PARD3B: variants seen among roughly 807,000 people sequenced by gnomAD.
PARD3B encodes par-3 family cell polarity regulator beta.
A neutral mutation model predicts 130.2 loss-of-function variants in PARD3B; 103 were observed. The ratio of observed to expected loss-of-function variants is 0.79; its 90% CI spans 0.67 to 0.93. The LOEUF (loss-of-function observed/expected upper bound fraction) is 0.93, where lower values mean the gene tolerates loss of function less well. PARD3B is among the 40% of genes least tolerant of loss of function. The pLI, the probability that PARD3B is intolerant of heterozygous loss-of-function variation, is 0.00. For synonymous variants in PARD3B, 583 were observed against 553.2 expected, an observed-to-expected ratio of 1.05 and a Z score of -0.76; for missense variants, 1,609 against 1,499.2, an observed-to-expected ratio of 1.07 and a Z score of -1.21.
intron 18 of PARD3B, among the ~76,000 whole-genome samples, chr2:205,371,591 A>T (rs967638372): frequency 6.6e-6 from 1 of 152,192 alleles, no homozygotes; most frequent in Non-Finnish European, 1.5e-5. Context: ...AAAATAACCT[A>T]TAGTTAGAGC....
At chr2:204,957,799 T>C (rs572146003) in intron 2 of PARD3B, among the ~76,000 whole-genome samples, 2 of 152,306 alleles carry the variant, frequency 1.3e-5, no homozygotes, top group African/African-American at 4.8e-5. Context: ...GGTGATAATG[T>C]GATTTTCTCT....
chr2:204,569,774 G>T (rs1236877894), intron 1 of PARD3B, among the ~76,000 whole-genome samples: 1 of 152,194 alleles, frequency 6.6e-6, no homozygotes, highest in South Asian at 2.1e-4. Context: ...TGGAGAAGGT[G>T]ATGAGAGCAC....
At chr2:204,607,457 G>A (rs1481607687) in intron 1 of PARD3B, among the ~76,000 whole-genome samples, 3 of 152,136 alleles carry the variant, frequency 2.0e-5, no homozygotes, top group Admixed American at 2.0e-4. Flanking sequence ...ATAATTCACT[G>A]AATATGTTAG....
intron 2 of PARD3B, among the ~76,000 whole-genome samples, chr2:204,765,123 G>A (rs1437408020): frequency 6.6e-6 from 1 of 152,156 alleles, no homozygotes; most frequent in Non-Finnish European, 1.5e-5. Flanking sequence ...GCAATATTTA[G>A]CTGGCTTGAC....
chr2:204,660,456 C>T (rs532174148), intron 1 of PARD3B, among the ~76,000 whole-genome samples: 6 of 152,116 alleles, frequency 3.9e-5, no homozygotes, highest in South Asian at 2.1e-4. Context: ...TGCTAAGTTG[C>T]GGGGTGTGGT....
chr2:204,815,652 T>C (rs1160441943), intron 2 of PARD3B, among the ~76,000 whole-genome samples: 1 of 152,022 alleles, frequency 6.6e-6, no homozygotes, highest in African/African-American at 2.4e-5. Context: ...GCATTTATTC[T>C]GTGCTATTAG....
intron 20 of PARD3B, among the ~76,000 whole-genome samples, chr2:205,442,939 CA>C (rs1198474947): frequency 6.6e-6 from 1 of 152,162 alleles, no homozygotes; most frequent in African/African-American, 2.4e-5. Flanking sequence ...AAGCTGCTTT[CA>C]ATAGAGTTTT....
rs2036065908 is a variant in PARD3B, at chr2:205,185,813, TC to T, written c.1976del (p.Pro659GlnfsTer36). The T allele has an allele frequency of 6.2e-7, 1 of 1,614,020 alleles. No individual in the cohort carries two copies. ...GGGCCGAGAGTGAAGTTCCACCTTC[TC>T]CAACACCACATTCTGCTCTGGGATT... is the stretch of plus-strand genomic sequence containing the variant. The part of the protein sequence containing the change: ...GWAESEVPPS[P>X]TPHSALGLGL... On this transcript the variant is annotated frameshift_variant, in exon 14 of 23. Coordinates refer to ENST00000406610, the MANE Select transcript of PARD3B (RefSeq NM_001302769.2). LOFTEE classifies it high-confidence loss of function.
chr2:205,133,384 C>T (rs2032189816), intron 10 of PARD3B, among the ~76,000 whole-genome samples: 2 of 152,158 alleles, frequency 1.3e-5, no homozygotes, highest in Admixed American at 1.3e-4. Context: ...GTAGTCTTGG[C>T]ATCACTTGGG....
intron 2 of PARD3B, among the ~76,000 whole-genome samples, chr2:204,951,528 G>C (rs1689770104): frequency 6.6e-6 from 1 of 152,026 alleles, no homozygotes. Flanking sequence ...ATTGTTCTGG[G>C]TGCATATTTT....
chr2:205,201,259 A>G (rs1331799636), intron 15 of PARD3B, among the ~76,000 whole-genome samples: 11 of 152,160 alleles, frequency 7.2e-5, no homozygotes, highest in Admixed American at 2.0e-4. Context: ...ATTAATCAGT[A>G]CCCCAGATAC....
At chr2:205,233,633 A>G (rs1169542873) in intron 15 of PARD3B, among the ~76,000 whole-genome samples, 1 of 152,164 alleles carries the variant, frequency 6.6e-6, no homozygotes, top group Non-Finnish European at 1.5e-5. Context: ...TGATGGGGTT[A>G]CGTTCCAATA....
At chr2:204,941,744 A>G (rs757256120) in intron 2 of PARD3B, among the ~76,000 whole-genome samples, 2 of 152,212 alleles carry the variant, frequency 1.3e-5, no homozygotes, top group Non-Finnish European at 2.9e-5. Flanking sequence ...GAGCAAAGAC[A>G]GTGCAGAGTG....
Position 204,640,899 on chromosome 2 carries a change from A to G in PARD3B, c.121-45282A>G, listed in dbSNP as rs1162398750. Among the ~76,000 whole-genome samples, 4 of 148,418 alleles carry G rather than the reference A, an allele frequency of 2.7e-5. No homozygotes were observed. The East Asian group carries it at 5.8e-4, about 22-fold the overall frequency. On this transcript the variant is annotated intron_variant, in intron 1 of 22. Transcript: ENST00000406610. ...GAGGGGAGGAAATTTATAAGTATCT[A>G]TATTTTATATATATATTTACTATAT...
At chr2:205,396,545 A>G (rs1218129778) in intron 18 of PARD3B, among the ~76,000 whole-genome samples, 1 of 152,232 alleles carries the variant, frequency 6.6e-6, no homozygotes, top group Non-Finnish European at 1.5e-5. Context: ...CTAAATTTAC[A>G]TAAAGCGTAT....
intron 3 of PARD3B, among the ~76,000 whole-genome samples, chr2:204,983,079 A>G (rs904979783): frequency 6.6e-6 from 1 of 151,976 alleles, no homozygotes; most frequent in Non-Finnish European, 1.5e-5. Flanking sequence ...TTTCTACCTG[A>G]TTGAGTATTT....
intron 18 of PARD3B, among the ~76,000 whole-genome samples, chr2:205,317,930 T>C (rs538516541): frequency 6.6e-6 from 1 of 152,218 alleles, no homozygotes; most frequent in South Asian, 2.1e-4. Flanking sequence ...GAAATTAAAG[T>C]AGAAATGTCT....
intron 22 of PARD3B, among the ~76,000 whole-genome samples, chr2:205,601,212 G>A (rs2054772343): frequency 6.6e-6 from 1 of 152,130 alleles, no homozygotes; most frequent in Admixed American, 6.5e-5. Context: ...GCATAAGATG[G>A]TATCTCATTG....
intron 2 of PARD3B, among the ~76,000 whole-genome samples, chr2:204,801,447 T>C (rs139753434): frequency 0.014 from 2,134 of 152,290 alleles, 53 homozygotes; most frequent in African/African-American, 0.049. Context: ...GTAAGTTGTA[T>C]ACCTAGGTAT....
Sources: allele counts gnomAD v4.1 joint callset (sites outside exome capture counted in the v4.1 genomes callset), GRCh38; gene constraint gnomAD v4.1.1; transcripts MANE v1.5; gene names NCBI Gene and HGNC (gene_info 2026-07-23, HGNC 2026-07-21).